Variants in FER1L6 observed in about 807,000 individuals in gnomAD.
The protein encoded by FER1L6 is fer-1 like family member 6.
Under a neutral mutation model 219.2 loss-of-function variants are expected in FER1L6, and 177 were observed. The ratio of observed to expected loss-of-function variants is 0.81; its 90% CI spans 0.71 to 0.91. The LOEUF (loss-of-function observed/expected upper bound fraction) is 0.91. FER1L6 is among the 40% of genes least tolerant of loss of function. The pLI is 0.00. For synonymous variants in FER1L6, 768 were observed against 824.3 expected, an observed-to-expected ratio of 0.93 and a Z score of 1.17; for missense variants, 2,153 against 2,259.9, an observed-to-expected ratio of 0.95 and a Z score of 0.96.
intron 13 of FER1L6, among the ~76,000 whole-genome samples, chr8:124,010,329 A>C (rs192030885): frequency 6.6e-6 from 1 of 152,316 alleles, no homozygotes; most frequent in Non-Finnish European, 1.5e-5. Context: ...TGCCTAAAAA[A>C]ATCCCGCCCT....
chr8:124,104,012 G>A (rs1219071618), intron 39 of FER1L6, among the ~76,000 whole-genome samples: 2 of 152,222 alleles, frequency 1.3e-5, no homozygotes, highest in Non-Finnish European at 2.9e-5. Context: ...TCTGGATAGA[G>A]ACCCATTTCT....
At chr8:124,065,419 AAAG>A (rs1221414948) in intron 26 of FER1L6, among the ~76,000 whole-genome samples, 5 of 151,670 alleles carry the variant, frequency 3.3e-5, no homozygotes, top group Non-Finnish European at 5.9e-5. Context: ...AAAAAAAAAA[AAAG>A]CAGCTCTTAA....
intron 1 of FER1L6, among the ~76,000 whole-genome samples, chr8:123,932,623 G>A (rs901823208): frequency 6.6e-6 from 1 of 152,170 alleles, no homozygotes; most frequent in Non-Finnish European, 1.5e-5. Flanking sequence ...TGGCGTAATG[G>A]TGGGGGGAGG....
intron 22 of FER1L6, among the ~76,000 whole-genome samples, chr8:124,051,512 TA>T (rs1488489944): frequency 6.6e-6 from 1 of 152,212 alleles, no homozygotes; most frequent in African/African-American, 2.4e-5. Context: ...ATAGTCAATC[TA>T]TCTAAAGTGC....
chr8:123,970,556 T>C (rs753948551), intron 6 of FER1L6, among the ~76,000 whole-genome samples: 5 of 152,164 alleles, frequency 3.3e-5, no homozygotes, highest in Non-Finnish European at 7.3e-5. Flanking sequence ...AGGAAAAAAG[T>C]GTCAGTCTCA....
chr8:123,907,424 C>T (rs750669760), intron 1 of FER1L6, among the ~76,000 whole-genome samples: 13 of 152,018 alleles, frequency 8.6e-5, no homozygotes, highest in Non-Finnish European at 1.8e-4. Flanking sequence ...GTCAGTAACT[C>T]ACCTAGTTGT....
Position 124,076,285 on chromosome 8 carries a change from G to GA in FER1L6, c.4181dup (p.Asp1394GlufsTer2). On this transcript the variant is annotated frameshift_variant, in exon 32 of 41. Transcript: ENST00000522917. LOFTEE classifies it high-confidence loss of function. Reference sequence around the variant, plus strand: ...TGGCAAGACAGAAATCAAAGACCGGGATAAATACATCCCTAAACAACTGAA... The same window carrying GA: ...TGGCAAGACAGAAATCAAAGACCGGGAATAAATACATCCCTAAACAACTGAA... 1 of 1,613,944 alleles carries GA rather than the reference G, an allele frequency of 6.2e-7. No homozygotes were observed. The highest frequency in any genetic ancestry group is 8.5e-7 in the Non-Finnish European group (1 of 1,179,842).
chr8:124,118,729 C>A, intron 39 of FER1L6, 115 bp from the exon 40 acceptor site: 2 of 866,244 alleles, frequency 2.3e-6, no homozygotes, highest in Non-Finnish European at 3.5e-6. Flanking sequence ...AATAAAGCAG[C>A]GGGATAATCA....
At chr8:123,998,373 A>T (rs1416039693) in intron 12 of FER1L6, among the ~76,000 whole-genome samples, 38 of 32,436 alleles carry the variant, frequency 1.2e-3, no homozygotes, top group South Asian at 1.6e-3. Flanking sequence ...AAAGAGGGAA[A>T]CTCTCTCTCT....
chr8:123,922,612 A>T (rs1208595407), intron 1 of FER1L6, among the ~76,000 whole-genome samples: 1 of 152,116 alleles, frequency 6.6e-6, no homozygotes, highest in Non-Finnish European at 1.5e-5. Flanking sequence ...TAAATGAAAT[A>T]CAGCAGAGCC....
At chr8:123,962,047 G>A (rs370759757) in intron 2 of FER1L6, among the ~76,000 whole-genome samples, 2 of 151,912 alleles carry the variant, frequency 1.3e-5, no homozygotes, top group East Asian at 3.9e-4. Flanking sequence ...CCACCACCAC[G>A]CCCAGCTAAC....
In FER1L6 at chr8:124,076,250, T is replaced by A; in HGVS notation, c.4145T>A (p.Val1382Glu). Residue 1382 changes from valine to glutamate, a missense_variant, in exon 32 of 41, where the codon GTG (valine) becomes GAG (glutamate). Coordinates refer to ENST00000522917, the MANE Select transcript of FER1L6 (RefSeq NM_001039112.2). ...GATGGCAAATCAGATCCCTACATTG[T>A]GATCAAGCTTGGCAAGACAGAAATC... Reference protein sequence around the residue: ...DPDGKSDPYIVIKLGKTEIKD... With the variant: ...DPDGKSDPYIEIKLGKTEIKD... The A allele has an allele frequency of 1.2e-6, 2 of 1,614,106 alleles. No homozygotes were observed. Among genetic ancestry groups the A allele is most frequent in the Non-Finnish European group, 1.7e-6 (2 of 1,179,954 alleles).
intron 19 of FER1L6, among the ~76,000 whole-genome samples, chr8:124,038,169 G>T (rs1014800479): frequency 1.3e-5 from 2 of 152,046 alleles, no homozygotes; most frequent in African/African-American, 4.8e-5. Context: ...TAGTGTTTTT[G>T]ACCCTGTCTT....
chr8:123,854,043 G>A (rs187196343), intron 1 of FER1L6, among the ~76,000 whole-genome samples: 1 of 152,290 alleles, frequency 6.6e-6, no homozygotes, highest in Admixed American at 6.5e-5. Context: ...GTGACTTCTG[G>A]CAGGCTCCTG....
intron 22 of FER1L6, among the ~76,000 whole-genome samples, chr8:124,057,108 C>T (rs917811109): frequency 6.6e-5 from 10 of 152,164 alleles, no homozygotes; most frequent in Admixed American, 6.6e-5. Flanking sequence ...GCCCTCAAGA[C>T]GATCTCCTCA....
intron 5 of FER1L6, among the ~76,000 whole-genome samples, chr8:123,967,812 T>C (rs1815626340): frequency 6.6e-6 from 1 of 152,030 alleles, no homozygotes; most frequent in African/African-American, 2.4e-5. Context: ...AAAAATTAAC[T>C]GGGTGTGGTG....
intron 1 of FER1L6, among the ~76,000 whole-genome samples, chr8:123,858,621 G>A (rs1273372392): frequency 6.6e-6 from 1 of 152,212 alleles, no homozygotes; most frequent in Non-Finnish European, 1.5e-5. Flanking sequence ...CATGGGCATG[G>A]CATCTGTCAC....
At chr8:124,081,724 T>C (rs1821564043) in intron 32 of FER1L6, among the ~76,000 whole-genome samples, 1 of 152,174 alleles carries the variant, frequency 6.6e-6, no homozygotes, top group Non-Finnish European at 1.5e-5. Context: ...TGATAAGGTT[T>C]TCATTTAAAA....
intron 5 of FER1L6, 53 bp downstream of exon 5, chr8:123,966,343 A>G: frequency 1.9e-6 from 3 of 1,602,148 alleles, no homozygotes; most frequent in Non-Finnish European, 8.5e-7. Flanking sequence ...CTTCACCACC[A>G]TTCTGCAGGA....
Sources: gnomAD v4.1 joint callset for allele counts (sites outside exome capture counted in the v4.1 genomes callset) on GRCh38, gnomAD v4.1.1 for gene constraint, MANE v1.5 for transcripts, NCBI Gene and HGNC (gene_info 2026-07-23, HGNC 2026-07-21) for gene names.